Variants in GRIK4 observed in about 807,000 individuals in gnomAD.
GRIK4 encodes the protein glutamate receptor ionotropic, kainate 4.
In GRIK4, 40 loss-of-function variants were observed where a neutral mutation model predicts 104.9. That is an observed-to-expected ratio of 0.38 (90% CI 0.30 to 0.50). The LOEUF (loss-of-function observed/expected upper bound fraction) is 0.50, where lower values mean the gene tolerates loss of function less well. Among genes scored for constraint, GRIK4 ranks in the 20% least tolerant of loss-of-function variants. The pLI, the probability that GRIK4 is intolerant of heterozygous loss-of-function variation, is 0.93. For missense variants in GRIK4, 1,047 were observed against 1,308.1 expected, an observed-to-expected ratio of 0.80 and a Z score of 3.08; for synonymous variants, 485 against 524.9, an observed-to-expected ratio of 0.92 and a Z score of 1.04.
rs1555046826 is a variant in GRIK4 at position 120,711,007 on chromosome 11, G to GT, written c.82+50608dup. On this transcript the variant is annotated intron_variant, in intron 3 of 20. Coordinates refer to ENST00000527524, the MANE Select transcript of GRIK4 (RefSeq NM_014619.5). ...CTTGCCCCTGTGAGGTGGGGAGGGG[G>GT]TGTGAGCAGCTGCAGGGCCCTGCTC... Among the ~76,000 whole-genome samples the GT allele has an allele frequency of 3.3e-3, 489 of 149,076 alleles. 39 individuals carry two copies. The highest frequency in any genetic ancestry group is 0.012 in the African/African-American group (473 of 39,374).
chr11:120,941,766 A>G (rs575943877), intron 14 of GRIK4, among the ~76,000 whole-genome samples: 4 of 152,170 alleles, frequency 2.6e-5, no homozygotes, highest in African/African-American at 9.6e-5. Flanking sequence ...ACCGAAAGCT[A>G]GAGGAGACAA....
chr11:120,893,947 C>A (rs1411058525), intron 11 of GRIK4, among the ~76,000 whole-genome samples: 2 of 152,182 alleles, frequency 1.3e-5, no homozygotes, highest in African/African-American at 4.8e-5. Flanking sequence ...CTGATTTAGT[C>A]ATTCTGGGGT....
rs1219531213 is a variant in GRIK4 at position 120,930,223 on chromosome 11, CTT to C, written c.1477-10122_1477-10121del. 2.6e-5 allele frequency among the ~76,000 whole-genome samples: 4 copies of C among 152,308 alleles called. No individual in the cohort carries two copies. The East Asian group carries it at 5.8e-4, about 22-fold the overall frequency. On this transcript the variant is annotated intron_variant, in intron 13 of 20. Coordinates refer to ENST00000527524, the MANE Select transcript of GRIK4 (RefSeq NM_014619.5). ...GATGAACCTCTCTGGGTCTCAGCGT[CTT>C]TGTCTCCAAAACAGGGCTAATGGCA...
chr11:120,687,857 T>C (rs923766854), intron 3 of GRIK4, among the ~76,000 whole-genome samples: 1 of 152,228 alleles, frequency 6.6e-6, no homozygotes, highest in Non-Finnish European at 1.5e-5. Flanking sequence ...CTAGTCTTGC[T>C]GTTCAGTGCC....
At chr11:120,759,876 A>G (rs1171089090) in intron 3 of GRIK4, among the ~76,000 whole-genome samples, 2 of 152,044 alleles carry the variant, frequency 1.3e-5, no homozygotes, top group African/African-American at 2.4e-5. Context: ...GAGGCTTACA[A>G]CATGATGTTA....
chr11:120,719,949 C>T (rs186375933), intron 3 of GRIK4, among the ~76,000 whole-genome samples: 1 of 150,854 alleles, frequency 6.6e-6, no homozygotes, highest in African/African-American at 2.4e-5. Context: ...ATGTTAGGAA[C>T]CTTTGTTCCC....
At chr11:120,668,428 A>C (rs1289744637) in intron 3 of GRIK4, among the ~76,000 whole-genome samples, 1 of 152,100 alleles carries the variant, frequency 6.6e-6, no homozygotes, top group Admixed American at 6.6e-5. Flanking sequence ...AAAGAAAAGA[A>C]ATGAAAAGAA....
chr11:120,568,534 C>T (rs996483109), intron 1 of GRIK4, among the ~76,000 whole-genome samples: 1 of 152,094 alleles, frequency 6.6e-6, no homozygotes, highest in Non-Finnish European at 1.5e-5. Flanking sequence ...ACCATAAGTG[C>T]ACACCACCAT....
At chr11:120,809,281 CT>C (rs1319021629) in intron 4 of GRIK4, among the ~76,000 whole-genome samples, 1 of 152,196 alleles carries the variant, frequency 6.6e-6, no homozygotes, top group East Asian at 1.9e-4. Flanking sequence ...CCATCATGGC[CT>C]TTTATTCCAG....
chr11:120,742,818 T>G (rs1216554769), intron 3 of GRIK4, among the ~76,000 whole-genome samples: 1 of 152,208 alleles, frequency 6.6e-6, no homozygotes, highest in Non-Finnish European at 1.5e-5. Flanking sequence ...TGCATGTGAA[T>G]GTTCATTGCA....
chr11:120,831,777 C>G, intron 6 of GRIK4, 75 bp from the exon 7 acceptor site: 3 of 1,186,646 alleles, frequency 2.5e-6, no homozygotes, highest in Non-Finnish European at 3.7e-6. Context: ...ATCTCCGTGC[C>G]TTCCTGCTTC....
chr11:120,981,596 A>G (rs1443692077), intron 19 of GRIK4, among the ~76,000 whole-genome samples: 2 of 152,226 alleles, frequency 1.3e-5, no homozygotes, highest in African/African-American at 4.8e-5. Flanking sequence ...AAAAAGTTTT[A>G]CTTTCCAAAT....
Position 120,986,133 on chromosome 11 carries a change from G to A in GRIK4, c.2744G>A (p.Gly915Asp). The A allele has an allele frequency of 1.3e-6, 2 of 1,526,220 alleles. No homozygotes were observed. Among genetic ancestry groups the A allele is most frequent in the Admixed American group, 2.0e-5 (1 of 51,096 alleles). The allele number at this position is 1,526,220 out of a possible 1,614,324, so 94.5% of individuals were successfully genotyped here. A position where few individuals can be genotyped will look rare whatever the true frequency, so the allele number is the denominator to read the frequency against. ...CAGGAGGCCGCCCTGGTGGCCCGCG[G>A]CTGCACGCACATCCGCGTCTGCCCC... ...LAQEAALVAR[G>D]CTHIRVCPEC... Residue 915 changes from glycine to aspartate, a missense_variant, in exon 21 of 21, where the codon GGC (glycine) becomes GAC (aspartate). Physicochemically the swap from Gly to Asp is moderately conservative, Grantham distance 94. This residue lies in a region of GRIK4 where 160 missense variants were observed against 140.9 expected (regional missense o/e 1.14). Transcript: ENST00000527524.
intron 13 of GRIK4, among the ~76,000 whole-genome samples, chr11:120,919,869 C>T (rs950459227): frequency 1.3e-5 from 2 of 151,872 alleles, no homozygotes; most frequent in Non-Finnish European, 2.9e-5. Context: ...TCTGGGATGA[C>T]GGATGGGGAA....
At chr11:120,661,565 C>T (rs1418735533) in intron 3 of GRIK4, among the ~76,000 whole-genome samples, 1 of 152,182 alleles carries the variant, frequency 6.6e-6, no homozygotes, top group Non-Finnish European at 1.5e-5. Flanking sequence ...ACTTAAAGCT[C>T]CCAAATTCCT....
chr11:120,733,889 C>CA (rs1387093157), intron 3 of GRIK4, among the ~76,000 whole-genome samples: 3 of 152,068 alleles, frequency 2.0e-5, no homozygotes, highest in Non-Finnish European at 4.4e-5. Flanking sequence ...AGGCACCCGC[C>CA]ACCGCACCTG....
chr11:120,565,380 C>A (rs1405589903), intron 1 of GRIK4, among the ~76,000 whole-genome samples: 1 of 152,208 alleles, frequency 6.6e-6, no homozygotes, highest in African/African-American at 2.4e-5. Context: ...CTTTAATTAG[C>A]AGGAATGCGC....
intron 5 of GRIK4, among the ~76,000 whole-genome samples, chr11:120,815,782 G>A (rs994958894): frequency 2.0e-5 from 3 of 152,148 alleles, no homozygotes; most frequent in Non-Finnish European, 4.4e-5. Flanking sequence ...GGCTGGAGAG[G>A]CTGATGGGCA....
chr11:120,824,472 G>A (rs548428417), intron 6 of GRIK4, among the ~76,000 whole-genome samples: 4 of 152,182 alleles, frequency 2.6e-5, no homozygotes, highest in African/African-American at 9.6e-5. Context: ...CGAAGCCACA[G>A]GTATAACATG....
Sources: allele counts gnomAD v4.1 joint callset (sites outside exome capture counted in the v4.1 genomes callset), GRCh38; gene constraint gnomAD v4.1.1; regional missense constraint gnomAD v4.1.1; transcripts MANE v1.5; gene names NCBI Gene and HGNC (gene_info 2026-07-23, HGNC 2026-07-21).